Variants in SARS2 observed in about 807,000 individuals in gnomAD.
SARS2 encodes serine--tRNA ligase, mitochondrial.
Under a neutral mutation model 66.8 loss-of-function variants are expected in SARS2, and 52 were observed. The ratio of observed to expected loss-of-function variants is 0.78; its 90% CI spans 0.62 to 0.98. The LOEUF is 0.98. SARS2 is among the 50% of genes least tolerant of loss of function. The probability of loss-of-function intolerance (pLI) is 0.00; values close to 1 mark genes in which losing one functional copy is unlikely to be tolerated. For synonymous variants in SARS2, 306 were observed against 281.4 expected (o/e 1.09, Z -0.87); for missense variants, 673 against 706.3 (o/e 0.95, Z 0.53).
At position 38,921,453 on chromosome 19, in the gene SARS2, G is replaced by C. The variant is rs1272890522; in HGVS notation, c.535-7C>G. ...GGCTCTCATCCCCGACGGGCTGCAGGGAGACAGCAGGAGTCACGGAAAGGT... is the reference window on the plus strand; with the variant it reads ...GGCTCTCATCCCCGACGGGCTGCAGCGAGACAGCAGGAGTCACGGAAAGGT... On this transcript the variant is annotated splice_region_variant and splice_polypyrimidine_tract_variant and intron_variant, in intron 4 of 15. Transcript: ENST00000221431. The C allele has an allele frequency of 1.2e-6, 2 of 1,614,010 alleles. No individual in the cohort carries two copies. Among genetic ancestry groups the C allele is most frequent in the Admixed American group, 1.7e-5 (1 of 60,014 alleles).
intron 2 of SARS2, among the ~76,000 whole-genome samples, chr19:38,922,658 TG>T (rs1974558527): frequency 6.6e-6 from 1 of 152,088 alleles, no homozygotes; most frequent in Admixed American, 6.5e-5. Context: ...AGGGACCTGG[TG>T]GGAGGTGATC....
rs1271242337 is a variant in SARS2 at position 38,917,771 on chromosome 19, G to A, written c.1113C>T (p.Phe371=). ...LEQSSQLLEE[F]LSLQMEILTE... is the part of the protein sequence containing the mutation. ...TCAAGATCTCCATCTGAAGGGACAGGAACTCCTCCAGCAGCTGTGAGCTCT... is the reference window on the plus strand; with the variant it reads ...TCAAGATCTCCATCTGAAGGGACAGAAACTCCTCCAGCAGCTGTGAGCTCT... The change falls in exon 12 of 16, where the codon TTC becomes TTT. Residue 371 remains phenylalanine, a synonymous_variant. Transcript: ENST00000221431. 1.2e-6 allele frequency: 2 copies of A among 1,614,114 alleles called. No homozygotes were observed. Among genetic ancestry groups the A allele is most frequent in the South Asian group, 1.1e-5 (1 of 91,076 alleles).
chr19:38,920,956 C>T (rs375354348), intron 5 of SARS2, among the ~76,000 whole-genome samples: 71,653 of 149,690 alleles, frequency 0.48, 17,705 homozygotes, highest in African/African-American at 0.58. Flanking sequence ...CACACAGACA[C>T]AGACACAGAT....
Position 38,916,133 on chromosome 19 carries a change from G to C in SARS2, c.1255-4C>G, listed in dbSNP as rs755807965. 6.2e-7 allele frequency: 1 copy of C among 1,613,898 alleles called. No homozygotes were observed. Among genetic ancestry groups the C allele is most frequent in the Non-Finnish European group, 8.5e-7 (1 of 1,179,948 alleles). On this transcript the variant is annotated splice_region_variant and splice_polypyrimidine_tract_variant and intron_variant, in intron 13 of 15. Coordinates refer to ENST00000221431, the MANE Select transcript of SARS2 (RefSeq NM_017827.4). ...TGCAGTTGGAAGCACTGGTGACCTG[G>C]GGTGGAGGAGCGGCAGGCTGAGCGG...
At chr19:38,921,855 G>A in intron 3 of SARS2, 188 bp from the exon 4 acceptor site, 1 of 1,324,406 alleles carries the variant, frequency 7.6e-7, no homozygotes, top group Admixed American at 2.0e-5. Context: ...AAAGAATCAG[G>A]CCTGGCCAAC....
intron 8 of SARS2, 109 bp downstream of exon 8, chr19:38,918,657 G>A: frequency 7.0e-7 from 1 of 1,421,500 alleles, no homozygotes; most frequent in Admixed American, 2.0e-5. Flanking sequence ...GTATGGCCTG[G>A]CCCCCTCAAC....
At chr19:38,918,320 G>T in intron 9 of SARS2, 102 bp downstream of exon 9, 1 of 1,230,434 alleles carries the variant, frequency 8.1e-7, no homozygotes, top group South Asian at 1.2e-5. Flanking sequence ...TGGGGCTGCT[G>T]AGCTGCTCGG....
At chr19:38,918,945 A>T in intron 7 of SARS2, 132 bp from the exon 8 acceptor site, 6 of 857,684 alleles carry the variant, frequency 7.0e-6, no homozygotes, top group Middle Eastern at 2.4e-4. Flanking sequence ...GCAGTGGCTC[A>T]CCCATGTAAT....
intron 5 of SARS2, among the ~76,000 whole-genome samples, chr19:38,920,540 C>CAG (rs1406057400): frequency 6.6e-6 from 1 of 151,362 alleles, no homozygotes; most frequent in African/African-American, 2.4e-5. Flanking sequence ...GCAGGGGGGT[C>CAG]AGAGAGAGAG....
rs182484523 is a variant in SARS2, at chr19:38,918,450, C to T, written c.888G>A (p.Leu296=). 2.8e-5 allele frequency: 45 copies of T among 1,614,178 alleles called. No individual in the cohort carries two copies. The highest frequency in any genetic ancestry group is 1.5e-4 in the Admixed American group (9 of 60,026). ...CAAGCCCCACCTCCGCTGTTCCAGC[C>T]AGGTTGAGATCTTTGAAGCGGGCAG... The part of the protein sequence containing the change: ...IDPARFKDLN[L]AGTAEVGLAG... The change falls in exon 9 of 16, where the codon CTG becomes CTA. Residue 296 remains leucine (L), a synonymous_variant. Coordinates refer to ENST00000221431, the MANE Select transcript of SARS2 (RefSeq NM_017827.4).
At chr19:38,917,028 T>C (rs1390326019) in intron 12 of SARS2, among the ~76,000 whole-genome samples, 4 of 151,142 alleles carry the variant, frequency 2.6e-5, no homozygotes, top group African/African-American at 9.8e-5. Flanking sequence ...AGTGGCATGA[T>C]CACAGCTCAT....
Position 38,930,756 on chromosome 19 carries a change from GGCACTT to G in SARS2, c.-26_-21del. 1 of 1,610,244 alleles carries G rather than the reference GGCACTT, an allele frequency of 6.2e-7. No individual in the cohort carries two copies. Among genetic ancestry groups the G allele is most frequent in the South Asian group, 1.1e-5 (1 of 90,936 alleles). Reference sequence around the variant, plus strand: ...AGCCATCTTGGACCGGGAACAAGGCGGCACTTCGTCCCGCCCACTCCGCGTTTAGAC... The same window carrying G: ...AGCCATCTTGGACCGGGAACAAGGCGCGTCCCGCCCACTCCGCGTTTAGAC... On this transcript the variant is annotated 5_prime_UTR_variant, in exon 1 of 16. Transcript: ENST00000221431.
chr19:38,921,886 G>C (rs1176541798), intron 3 of SARS2: 2 of 1,387,412 alleles, frequency 1.4e-6, no homozygotes, highest in East Asian at 5.0e-5. Context: ...TATTGCCTTG[G>C]CCACAATGAC....
chr19:38,920,358 G>A (rs984781918), intron 5 of SARS2, among the ~76,000 whole-genome samples: 1 of 151,616 alleles, frequency 6.6e-6, no homozygotes, highest in East Asian at 1.9e-4. Context: ...GAGACAGGGA[G>A]AGGAAATGAG....
chr19:38,926,434 C>T, intron 1 of SARS2, 134 bp from the exon 2 acceptor site: 1 of 753,608 alleles, frequency 1.3e-6, no homozygotes, highest in Non-Finnish European at 2.3e-6. Flanking sequence ...CCATCCTCCC[C>T]TCCTCCCTTC....
At chr19:38,921,934 T>C (rs1252825686) in intron 3 of SARS2, 21 of 1,501,144 alleles carry the variant, frequency 1.4e-5, no homozygotes, top group Admixed American at 9.8e-5. Flanking sequence ...GCTGAACTCA[T>C]GAGAATCAGC....
At chr19:38,917,564 A>G (rs1486472419) in intron 12 of SARS2, among the ~76,000 whole-genome samples, 160 bp downstream of exon 12, 1 of 152,232 alleles carries the variant, frequency 6.6e-6, no homozygotes, top group Non-Finnish European at 1.5e-5. Flanking sequence ...CACGGCAGAC[A>G]GATTGGGATC....
Position 38,921,674 on chromosome 19 carries a change from G to GCAGCACAGGTGGGCT in SARS2, c.394-22_394-8dup, listed in dbSNP as rs1239979152. ...GACCCTGGTACTTGGGGTCCTGGGGGCAGCACAGGTGGGCTCAGCCCGGGA... is the reference window on the plus strand; with the variant it reads ...GACCCTGGTACTTGGGGTCCTGGGGGCAGCACAGGTGGGCTCAGCACAGGTGGGCTCAGCCCGGGA... On this transcript the variant is annotated splice_region_variant and splice_polypyrimidine_tract_variant and intron_variant, in intron 3 of 15. Transcript: ENST00000221431. The GCAGCACAGGTGGGCT allele has an allele frequency of 6.2e-7, 1 of 1,613,912 alleles. No individual in the cohort carries two copies. The highest frequency in any genetic ancestry group is 1.3e-5 in the African/African-American group (1 of 74,936).
chr19:38,920,950 C>CACACACAGAT (rs57114902), intron 5 of SARS2, among the ~76,000 whole-genome samples: 1 of 78,648 alleles, frequency 1.3e-5, no homozygotes, highest in African/African-American at 4.5e-5. Context: ...CACACACACA[C>CACACACAGAT]AGACACAGAC....
Sources: allele counts gnomAD v4.1 joint callset (sites outside exome capture counted in the v4.1 genomes callset), GRCh38; gene constraint gnomAD v4.1.1; transcripts MANE v1.5; gene names NCBI Gene and HGNC (gene_info 2026-07-23, HGNC 2026-07-21).